ARHGAP27: variants seen among roughly 807,000 people sequenced by gnomAD.
ARHGAP27 encodes Rho GTPase activating protein 27, also known as rho GTPase-activating protein 27.
In ARHGAP27, 53 loss-of-function variants were observed where a neutral mutation model predicts 102.0. The observed-to-expected ratio is 0.52, with a 90% CI of 0.42 to 0.65. The LOEUF (loss-of-function observed/expected upper bound fraction) is 0.65, where lower values mean the gene tolerates loss of function less well. Ranked by LOEUF, ARHGAP27 falls within the 30% of genes least tolerant of loss-of-function variation. The probability of loss-of-function intolerance (pLI) is 0.00; values close to 1 mark genes in which losing one functional copy is unlikely to be tolerated. For synonymous variants in ARHGAP27, 525 were observed against 542.8 expected, an observed-to-expected ratio of 0.97 and a Z score of 0.46; for missense variants, 1,117 against 1,256.2, an observed-to-expected ratio of 0.89 and a Z score of 1.68.
At chr17:45,405,463 G>A (rs1360983730) in intron 5 of ARHGAP27, among the ~76,000 whole-genome samples, 1 of 147,870 alleles carries the variant, frequency 6.8e-6, no homozygotes, top group Non-Finnish European at 1.5e-5. Context: ...TGGGGTCAAA[G>A]GCGCTCAGAG....
In ARHGAP27 at chr17:45,427,676, G is replaced by T. The variant is rs2049751223; in HGVS notation, c.657+1947C>A. Among the ~76,000 whole-genome samples, 1 of 152,200 alleles carries T rather than the reference G, an allele frequency of 6.6e-6. No individual in the cohort carries two copies. The highest frequency in any genetic ancestry group is 2.4e-5 in the African/African-American group (1 of 41,452). On this transcript the variant is annotated intron_variant, in intron 4 of 19. Coordinates refer to ENST00000685559, the MANE Select transcript of ARHGAP27 (RefSeq NM_001282290.2). This position sits in a 1 kb window ranked among gnomAD's most constrained non-coding sequence, Gnocchi z 4.5. ...CTGTGGCAGGGAACGTGGTATTATT[G>T]CACACATCGCACAGGGGAGGAAACA...
At chr17:45,404,835 C>G in intron 6 of ARHGAP27, 89 bp downstream of exon 6, 1 of 1,579,174 alleles carries the variant, frequency 6.3e-7, no homozygotes, top group Non-Finnish European at 8.7e-7. Flanking sequence ...GTGGGAGCTG[C>G]GGTTTAGAGC....
chr17:45,403,840 C>G, intron 10 of ARHGAP27, 131 bp from the exon 11 acceptor site: 1 of 981,772 alleles, frequency 1.0e-6, no homozygotes. Context: ...GGCTGGAATC[C>G]CGACTCTAAC....
chr17:45,418,197 G>A lies in ARHGAP27; in HGVS notation c.657+11426C>T, dbSNP rs1033520496. Among the ~76,000 whole-genome samples, 19 of 148,168 alleles carry A rather than the reference G, an allele frequency of 1.3e-4. 1 individual carries two copies. Among genetic ancestry groups the A allele is most frequent in the South Asian group, 6.4e-4 (3 of 4,698 alleles). Reference sequence around the variant, plus strand: ...TGAGTTCAAGCAGTCCTCCCGCTTCGGCCTCCCAAAGTGCTAAGATTATAG... The same window carrying A: ...TGAGTTCAAGCAGTCCTCCCGCTTCAGCCTCCCAAAGTGCTAAGATTATAG... On this transcript the variant is annotated intron_variant, in intron 4 of 19. Transcript: ENST00000685559.
chr17:45,405,593 G>A lies in ARHGAP27; in HGVS notation c.1065+83C>T, dbSNP rs554428759. The A allele has an allele frequency of 2.1e-4, 209 of 987,550 alleles. No homozygotes were observed. The Middle Eastern group carries it at 2.5e-3, about 12-fold the overall frequency. The allele number at this position is 987,550 out of a possible 1,614,324, so 61.2% of individuals were successfully genotyped here. On this transcript the variant is annotated intron_variant, in intron 5 of 19. Transcript: ENST00000685559. ...CCCACCCATCACCACCCCCTCACCC[G>A]TGTGTCCCTGGGCCTCTGGGAGCAG...
intron 4 of ARHGAP27, among the ~76,000 whole-genome samples, chr17:45,428,514 G>T (rs2049814921): frequency 1.3e-5 from 2 of 152,340 alleles, no homozygotes; most frequent in Middle Eastern, 3.4e-3. Flanking sequence ...CTCAAAACCT[G>T]AGCTCTGCAT....
Position 45,405,708 on chromosome 17 carries a change from C to A in ARHGAP27, c.1033G>T (p.Gly345Cys). ...EPEEELEMQPGLSPGSPGDPR... is the reference protein window; with the variant it reads ...EPEEELEMQPCLSPGSPGDPR... ...TCCCCTGGGCTGCCAGGGCTCAGGCCCGGCTGCATCTCCAACTCCTCCTCG... is the reference window on the plus strand; with the variant it reads ...TCCCCTGGGCTGCCAGGGCTCAGGCACGGCTGCATCTCCAACTCCTCCTCG... The change falls in exon 5 of 20, where the codon GGC becomes TGC. Residue 345 changes from glycine (G) to cysteine (C), a missense_variant. Gly to Cys is a radical substitution (Grantham distance 159, BLOSUM62 -3). Transcript: ENST00000685559. 6.2e-7 allele frequency: 1 copy of A among 1,602,848 alleles called. No individual in the cohort carries two copies. The highest frequency in any genetic ancestry group is 1.1e-5 in the South Asian group (1 of 90,714).
chr17:45,411,078 C>T (rs914346313), intron 4 of ARHGAP27, among the ~76,000 whole-genome samples: 6 of 152,074 alleles, frequency 3.9e-5, no homozygotes, highest in Admixed American at 6.5e-5. Flanking sequence ...CAAGTATGCC[C>T]GTGCCTGTCC....
At chr17:45,402,274 C>A (rs1311011360) in intron 12 of ARHGAP27, among the ~76,000 whole-genome samples, 1 of 152,150 alleles carries the variant, frequency 6.6e-6, no homozygotes, top group Non-Finnish European at 1.5e-5. Context: ...GGGACGAGGG[C>A]TGCCATTCTA....
chr17:45,409,975 C>T (rs998611042), intron 4 of ARHGAP27: 19 of 482,964 alleles, frequency 3.9e-5, no homozygotes, highest in Non-Finnish European at 1.8e-5. Flanking sequence ...GGCTGCCCAG[C>T]CCCCTGGTAC....
At chr17:45,411,626 G>C (rs2047921235) in intron 4 of ARHGAP27, among the ~76,000 whole-genome samples, 1 of 152,044 alleles carries the variant, frequency 6.6e-6, no homozygotes, top group South Asian at 2.1e-4. Context: ...TCTCATACCA[G>C]TGTCCCATCC....
In ARHGAP27 at chr17:45,410,248, C is replaced by T. The variant is rs750976211; in HGVS notation, c.658-4165G>A. 545 of 1,533,808 alleles carry T rather than the reference C, an allele frequency of 3.6e-4. 1 individual carries two copies. Among genetic ancestry groups the T allele is most frequent in the Non-Finnish European group, 4.4e-4 (509 of 1,145,802 alleles). Reference sequence around the variant, plus strand: ...ATCCCCTACCTGTGCCGGCAAGGCTCGACTCTGCCTCCTGGTCACTTTGGC... The same window carrying T: ...ATCCCCTACCTGTGCCGGCAAGGCTTGACTCTGCCTCCTGGTCACTTTGGC... On this transcript the variant is annotated intron_variant, in intron 4 of 19. Coordinates refer to ENST00000685559, the MANE Select transcript of ARHGAP27 (RefSeq NM_001282290.2).
At chr17:45,429,544 T>C in intron 4 of ARHGAP27, 79 bp downstream of exon 4, 2 of 1,558,346 alleles carry the variant, frequency 1.3e-6, no homozygotes, top group Non-Finnish European at 1.7e-6. Flanking sequence ...GCGGAGCGGG[T>C]CTCCTTGCGC....
At chr17:45,404,124 A>C in intron 9 of ARHGAP27, 28 bp from the exon 10 acceptor site, 1 of 1,613,672 alleles carries the variant, frequency 6.2e-7, no homozygotes, top group African/African-American at 1.3e-5. Context: ...GAGCAGGCGC[A>C]AGAGTGTGTA....
intron 10 of ARHGAP27, 113 bp from the exon 11 acceptor site, chr17:45,403,822 A>G (rs1375615782): frequency 1.8e-5 from 19 of 1,042,462 alleles, no homozygotes; most frequent in Admixed American, 4.7e-5. Context: ...AGGGCACCCC[A>G]TTATGAGGGC....
chr17:45,407,416 C>T (rs1001608064), intron 4 of ARHGAP27: 2 of 152,272 alleles, frequency 1.3e-5, no homozygotes, highest in Admixed American at 6.6e-5. Flanking sequence ...ACCCTTGGCC[C>T]CACAGAGGGA....
chr17:45,395,035 G>C lies in ARHGAP27; in HGVS notation c.*421C>G, dbSNP rs2045424524. The C allele has an allele frequency of 4.6e-6, 1 of 219,526 alleles. No individual in the cohort carries two copies. Among genetic ancestry groups the C allele is most frequent in the Non-Finnish European group, 9.1e-6 (1 of 109,680 alleles). The allele number at this position is 219,526 out of a possible 1,614,324, so 13.6% of individuals were successfully genotyped here. ...ATGACTGGCACAGTGCCAGCACAGG[G>C]CCAGGGCCCACAGGGTCTCTGTGAA... On this transcript the variant is annotated 3_prime_UTR_variant, in exon 20 of 20. Coordinates refer to ENST00000685559, the MANE Select transcript of ARHGAP27 (RefSeq NM_001282290.2).
intron 13 of ARHGAP27, 41 bp downstream of exon 13, chr17:45,397,908 C>A (rs774822507): frequency 1.3e-6 from 2 of 1,546,076 alleles, no homozygotes; most frequent in Non-Finnish European, 1.8e-6. Context: ...ATAATGGCCA[C>A]CCCCTCCCCA....
chr17:45,403,940 T>C, intron 10 of ARHGAP27, 89 bp downstream of exon 10: 1 of 1,431,458 alleles, frequency 7.0e-7, no homozygotes. Context: ...GTTGTGAGGA[T>C]TAATAAGAGC....
Sources: gnomAD v4.1 joint callset for allele counts (sites outside exome capture counted in the v4.1 genomes callset) on GRCh38, gnomAD v4.1.1 for gene constraint, Gnocchi (gnomAD v3.1) non-coding constraint, MANE v1.5 for transcripts, NCBI Gene and HGNC (gene_info 2026-07-23, HGNC 2026-07-21) for gene names.